Variants in PRPF31 observed in about 807,000 individuals in gnomAD.
PRPF31 encodes pre-mRNA processing factor 31.
A neutral mutation model predicts 60.4 loss-of-function variants in PRPF31; 12 were observed. The ratio of observed to expected loss-of-function variants is 0.20; its 90% confidence interval spans 0.13 to 0.32. The LOEUF is 0.32. Ranked by LOEUF, PRPF31 falls within the 10% of genes least tolerant of loss-of-function variation. The probability of loss-of-function intolerance (pLI) is 1.00; values close to 1 mark genes in which losing one functional copy is unlikely to be tolerated. For synonymous variants in PRPF31, 287 were observed against 287.9 expected (o/e 1.00, Z 0.03); for missense variants, 431 against 687.1 (o/e 0.63, Z 4.17).
intron 9 of PRPF31, 79 bp from the exon 10 acceptor site, chr19:54,127,994 C>T: frequency 6.5e-7 from 1 of 1,542,784 alleles, no homozygotes; most frequent in Non-Finnish European, 8.8e-7. Context: ...CACGTGGATA[C>T]TCGGGGGGCC....
intron 8 of PRPF31, chr19:54,124,909 C>T (rs2073882697): frequency 1.3e-5 from 8 of 594,402 alleles, no homozygotes; most frequent in East Asian, 1.1e-4. Flanking sequence ...GGGAGCACAG[C>T]GCCTGCTTCA....
At chr19:54,128,275 C>A (rs1465667383) in intron 10 of PRPF31, 30 bp from the exon 11 acceptor site, 1 of 1,552,118 alleles carries the variant, frequency 6.4e-7, no homozygotes, top group East Asian at 2.4e-5. Flanking sequence ...CCAGCCGACT[C>A]CCTGGCGCCG....
intron 5 of PRPF31, 191 bp downstream of exon 5, chr19:54,122,785 C>T (rs973195785): frequency 2.4e-5 from 16 of 666,372 alleles, no homozygotes; most frequent in South Asian, 2.3e-4. Context: ...CCCTCCAACC[C>T]CAGTCTCCCG....
intron 6 of PRPF31, 79 bp downstream of exon 6, chr19:54,123,639 CGCACACACACATACACACAT>C (rs1173748845): frequency 1.2e-5 from 19 of 1,597,484 alleles, no homozygotes; most frequent in South Asian, 2.2e-5. Flanking sequence ...GGTGTACACA[CGCACACACACATACACACAT>C]GCACACACAC....
rs1217334198 is a variant in PRPF31, at chr19:54,128,152, C to T, written c.1025C>T (p.Pro342Leu). 6.4e-7 allele frequency: 1 copy of T among 1,560,936 alleles called. No individual in the cohort carries two copies. The highest frequency in any genetic ancestry group is 8.7e-7 in the Non-Finnish European group (1 of 1,153,358). ...CCGCCGCCTGTGAAGCAGGTGAAGCCGCTGCCTGCGCCCCTGGATGGACAG... is the reference window on the plus strand; with the variant it reads ...CCGCCGCCTGTGAAGCAGGTGAAGCTGCTGCCTGCGCCCCTGGATGGACAG... The part of the protein sequence containing the change: ...QEPPPVKQVK[P>L]LPAPLDGQRK... Residue 342 changes from proline to leucine, a missense_variant, in exon 10 of 14, where the codon CCG (proline) becomes CTG (leucine). Coordinates refer to ENST00000321030, the MANE Select transcript of PRPF31 (RefSeq NM_015629.4).
chr19:54,116,306 G>A (rs368911858), intron 1 of PRPF31, among the ~76,000 whole-genome samples: 22 of 148,970 alleles, frequency 1.5e-4, no homozygotes, highest in African/African-American at 5.5e-4. Context: ...CCGGATTCAA[G>A]CGATTCTCCT....
Position 54,131,362 on chromosome 19 carries a change from A to G in PRPF31, c.1430A>G (p.Gln477Arg). 3.7e-6 allele frequency: 6 copies of G among 1,614,072 alleles called. No individual in the cohort carries two copies. The highest frequency in any genetic ancestry group is 5.1e-6 in the Non-Finnish European group (6 of 1,180,012). ...AAEKKVAEAN[Q>R]KYFSSMAEFL... ...GAGAAGAAGGTGGCTGAGGCCAACCAGAAGTATTTCTCCAGCATGGCTGAG... is the reference window on the plus strand; with the variant it reads ...GAGAAGAAGGTGGCTGAGGCCAACCGGAAGTATTTCTCCAGCATGGCTGAG... Residue 477 changes from glutamine to arginine, a missense_variant, in exon 14 of 14, where the codon CAG becomes CGG. Physicochemically the swap from Gln to Arg is conservative, Grantham distance 43 (BLOSUM62 1). Coordinates refer to ENST00000321030, the MANE Select transcript of PRPF31 (RefSeq NM_015629.4).
chr19:54,124,652 C>G lies in PRPF31; in HGVS notation c.851C>G (p.Pro284Arg). 1 of 1,612,718 alleles carries G rather than the reference C, an allele frequency of 6.2e-7. No homozygotes were observed. Among genetic ancestry groups the G allele is most frequent in the South Asian group, 1.1e-5 (1 of 91,082 alleles). The change falls in exon 8 of 14, where the codon CCA (proline) becomes CGA (arginine). Residue 284 changes from proline to arginine, a missense_variant. Transcript: ENST00000321030. ...IYHSDIVQSLPPDLRRKAARL... is the reference protein window; with the variant it reads ...IYHSDIVQSLRPDLRRKAARL... ...CACAGTGACATCGTGCAGTCCCTGC[C>G]ACCGGTGAGCCCACTGCGTCATGGC...
At chr19:54,130,956 G>T (rs1295757728) in intron 13 of PRPF31, among the ~76,000 whole-genome samples, 1 of 152,162 alleles carries the variant, frequency 6.6e-6, no homozygotes, top group Non-Finnish European at 1.5e-5. Context: ...CACTATGATC[G>T]TCAGTGGTGT....
In PRPF31 at chr19:54,122,583, C is replaced by A; in HGVS notation, c.409C>A (p.Arg137Ser). The change falls in exon 5 of 14, where the codon CGC becomes AGC. Residue 137 changes from arginine to serine, a missense_variant. Physicochemically the swap from Arg to Ser is moderately radical, Grantham distance 110. This residue lies in a region of PRPF31 where 113 missense variants were observed against 173.8 expected (regional missense o/e 0.65). Transcript: ENST00000321030. The stretch of plus-strand genomic sequence containing the variant: ...GGTCCCCAATGCACTGGATTACATC[C>A]GCACGGTCAAGGTGAGCGCAGAGAA... Reference protein sequence around the residue: ...SLVPNALDYIRTVKELGNSLD... With the variant: ...SLVPNALDYISTVKELGNSLD... 1 of 1,613,882 alleles carries A rather than the reference C, an allele frequency of 6.2e-7. No homozygotes were observed. Among genetic ancestry groups the A allele is most frequent in the East Asian group, 2.2e-5 (1 of 44,890 alleles).
At position 54,129,388 on chromosome 19, in the gene PRPF31, G is replaced by C. The variant is rs762269519; in HGVS notation, c.1374+18G>C. 12 of 1,575,264 alleles carry C rather than the reference G, an allele frequency of 7.6e-6. No homozygotes were observed. In the African/African-American group the frequency reaches 1.5e-4, roughly 20 times the overall value. On this transcript the variant is annotated intron_variant, in intron 13 of 13. Transcript: ENST00000321030. ...CACTCCAGGTACCTCCCCTGGGCCG[G>C]CTCTGTCCCCAGCCCTGAGACCTTG...
Position 54,123,564 on chromosome 19 carries a change from T to C in PRPF31, c.527+4T>C. ...TCACCGCCTCCACCACCCAGGGGTA[T>C]GTCCGCTTCGAGGGAGGCGCCGGGC... On this transcript the variant is annotated splice_donor_region_variant and intron_variant, in intron 6 of 13. Coordinates refer to ENST00000321030, the MANE Select transcript of PRPF31 (RefSeq NM_015629.4). 2 of 1,613,844 alleles carry C rather than the reference T, an allele frequency of 1.2e-6. No homozygotes were observed. The highest frequency in any genetic ancestry group is 1.7e-6 in the Non-Finnish European group (2 of 1,179,748).
Position 54,124,590 on chromosome 19 carries a change from G to A in PRPF31, c.789G>A (p.Ser263=), listed in dbSNP as rs760581700. ...GAQRKTLSGF[S]STSVLPHTGY... is the part of the protein sequence containing the mutation. ...AGCGCAAGACGCTGTCGGGCTTCTC[G>A]TCTACCTCAGTGCTGCCCCACACCG... The change falls in exon 8 of 14, where the codon TCG becomes TCA. Residue 263 remains serine, a synonymous_variant. Coordinates refer to ENST00000321030, the MANE Select transcript of PRPF31 (RefSeq NM_015629.4). 1.7e-5 allele frequency: 27 copies of A among 1,613,356 alleles called. No homozygotes were observed. Among genetic ancestry groups the A allele is most frequent in the Middle Eastern group, 1.6e-4 (1 of 6,084 alleles).
chr19:54,128,798 C>T (rs1281091015), intron 11 of PRPF31, among the ~76,000 whole-genome samples: 1 of 152,194 alleles, frequency 6.6e-6, no homozygotes, highest in Non-Finnish European at 1.5e-5. Context: ...ATCCCCCGAC[C>T]CACACGAGTA....
rs147725190 is a variant in PRPF31 at position 54,122,584 on chromosome 19, G to T, written c.410G>T (p.Arg137Leu). 2.5e-6 allele frequency: 4 copies of T among 1,613,530 alleles called. No individual in the cohort carries two copies. Among genetic ancestry groups the T allele is most frequent in the Admixed American group, 1.7e-5 (1 of 59,996 alleles). The change falls in exon 5 of 14, where the codon CGC becomes CTC. Residue 137 changes from arginine (R) to leucine (L), a missense_variant. Transcript: ENST00000321030. ...SLVPNALDYIRTVKELGNSLD... is the reference protein window; with the variant it reads ...SLVPNALDYILTVKELGNSLD... ...GTCCCCAATGCACTGGATTACATCCGCACGGTCAAGGTGAGCGCAGAGAAG... is the reference window on the plus strand; with the variant it reads ...GTCCCCAATGCACTGGATTACATCCTCACGGTCAAGGTGAGCGCAGAGAAG...
intron 3 of PRPF31, 52 bp from the exon 4 acceptor site, chr19:54,121,808 G>A (rs770251550): frequency 3.6e-5 from 55 of 1,540,264 alleles, no homozygotes; most frequent in East Asian, 1.4e-4. Flanking sequence ...TGCGGGACCC[G>A]AGAGGGGGTA....
At position 54,124,137 on chromosome 19, in the gene PRPF31, C is replaced by T. The variant is rs587747927; in HGVS notation, c.697+219C>T. On this transcript the variant is annotated intron_variant, in intron 7 of 13. Coordinates refer to ENST00000321030, the MANE Select transcript of PRPF31 (RefSeq NM_015629.4). ...CCTTCTCCCTCCCCTGTGCCGGAAA[C>T]CCAGAGATGACCACACCCAGGCCCT... is the stretch of plus-strand genomic sequence containing the variant. 4.4e-5 allele frequency: 44 copies of T among 1,006,774 alleles called. No homozygotes were observed. The African/African-American group carries it at 7.0e-4, about 16-fold the overall frequency. The allele number at this position is 1,006,774 out of a possible 1,614,324, so 62.4% of individuals were successfully genotyped here.
At chr19:54,129,023 C>T (rs745617556) in intron 11 of PRPF31, 34 bp from the exon 12 acceptor site, 12 of 1,555,838 alleles carry the variant, frequency 7.7e-6, no homozygotes, top group Middle Eastern at 1.8e-4. Context: ...AGGGCCTGGT[C>T]GCTGAACTGC....
intron 1 of PRPF31, among the ~76,000 whole-genome samples, chr19:54,117,173 G>A (rs1369431494): frequency 2.6e-5 from 4 of 152,154 alleles, no homozygotes; most frequent in Admixed American, 1.3e-4. Context: ...ACAAAGACCT[G>A]GAGGCGGGAA....
Sources: allele counts gnomAD v4.1 joint callset (sites outside exome capture counted in the v4.1 genomes callset), GRCh38; gene constraint gnomAD v4.1.1; regional missense constraint gnomAD v4.1.1; transcripts MANE v1.5; gene names NCBI Gene and HGNC (gene_info 2026-07-23, HGNC 2026-07-21).